The following MACROH2A2 variants were observed in gnomAD, a reference collection of about 807,000 sequenced individuals.
MACROH2A2 encodes macroH2A.2 histone.
In MACROH2A2, 6 loss-of-function variants were observed where a neutral mutation model predicts 37.6. The ratio of observed to expected loss-of-function variants is 0.16; its 90% CI spans 0.09 to 0.32. The LOEUF is 0.32. Among genes scored for constraint, MACROH2A2 ranks in the 10% least tolerant of loss-of-function variants. The probability of loss-of-function intolerance (pLI) is 1.00; values close to 1 mark genes in which losing one functional copy is unlikely to be tolerated. For synonymous variants in MACROH2A2, 192 were observed against 202.7 expected, an observed-to-expected ratio of 0.95 and a Z score of 0.45; for missense variants, 290 against 485.9, an observed-to-expected ratio of 0.60 and a Z score of 3.79.
chr10:70,066,585 C>T (rs1316874313), intron 1 of MACROH2A2, among the ~76,000 whole-genome samples: 1 of 152,242 alleles, frequency 6.6e-6, no homozygotes, highest in East Asian at 1.9e-4. Context: ...AACAGGGTCT[C>T]TACAAAGAAC....
At chr10:70,093,650 T>A (rs1218931231) in intron 4 of MACROH2A2, 85 bp from the exon 5 acceptor site, 11 of 696,242 alleles carry the variant, frequency 1.6e-5, no homozygotes, top group Non-Finnish European at 2.8e-5. Flanking sequence ...TTCAACTTGG[T>A]GGCAGCCGTG....
chr10:70,062,472 A>G (rs1206325078), intron 1 of MACROH2A2, among the ~76,000 whole-genome samples: 3 of 152,258 alleles, frequency 2.0e-5, no homozygotes, highest in African/African-American at 7.2e-5. Context: ...AACAATGTTT[A>G]AAGTTTTTTT....
chr10:70,084,120 T>C (rs1453159956), intron 2 of MACROH2A2, among the ~76,000 whole-genome samples: 3 of 152,178 alleles, frequency 2.0e-5, no homozygotes, highest in Admixed American at 6.5e-5. Flanking sequence ...CTGTGTAACA[T>C]AGACACTTGT....
rs1007650815 is a variant in MACROH2A2, at chr10:70,107,106, C to T, written c.779-1927C>T. ...TCGTAGAGTCAGCACGCATGGCGGG[C>T]CCCTACCCAGGGCCTCGGTGTATTG... On this transcript the variant is annotated intron_variant, in intron 7 of 8. Coordinates refer to ENST00000373255, the MANE Select transcript of MACROH2A2 (RefSeq NM_018649.3). The surrounding 1 kb of genome is among the most constrained non-coding windows in gnomAD (Gnocchi z 4.4). 1.3e-3 allele frequency among the ~76,000 whole-genome samples: 198 copies of T among 152,304 alleles called. 1 individual carries two copies. The highest frequency in any genetic ancestry group is 1.0e-3 in the Non-Finnish European group (71 of 68,030).
Position 70,075,586 on chromosome 10 carries a change from T to C in MACROH2A2, c.-59-14T>C. On this transcript the variant is annotated splice_polypyrimidine_tract_variant and intron_variant, in intron 1 of 8. Coordinates refer to ENST00000373255, the MANE Select transcript of MACROH2A2 (RefSeq NM_018649.3). The surrounding 1 kb of genome is among the most constrained non-coding windows in gnomAD (Gnocchi z 5.0). ...CAACTACCCTTCCTCAACTCTGTCTTCTTTCCTTTTTAGCATTGTGTTAGT... is the reference window on the plus strand; with the variant it reads ...CAACTACCCTTCCTCAACTCTGTCTCCTTTCCTTTTTAGCATTGTGTTAGT... The C allele has an allele frequency of 6.9e-7, 1 of 1,456,196 alleles. No individual in the cohort carries two copies. The highest frequency in any genetic ancestry group is 2.3e-5 in the East Asian group (1 of 44,012). 90.2% of individuals were successfully genotyped at this position (1,456,196 alleles called of 1,614,324 possible). A position where few individuals can be genotyped will look rare whatever the true frequency, so the allele number is the denominator to read the frequency against.
chr10:70,091,197 C>T (rs2072242822), intron 3 of MACROH2A2, among the ~76,000 whole-genome samples: 1 of 152,208 alleles, frequency 6.6e-6, no homozygotes, highest in Non-Finnish European at 1.5e-5. Context: ...TGGGCAACAT[C>T]CCTGGTTTCA....
intron 1 of MACROH2A2, among the ~76,000 whole-genome samples, chr10:70,055,577 C>T (rs2072010616): frequency 6.6e-6 from 1 of 152,142 alleles, no homozygotes; most frequent in Non-Finnish European, 1.5e-5. Context: ...GGGCCCTTCT[C>T]TCATAAAGCT....
intron 6 of MACROH2A2, chr10:70,099,114 GGGGCC>G (rs2072292292): frequency 6.6e-6 from 1 of 152,128 alleles, no homozygotes; most frequent in Non-Finnish European, 1.5e-5. Flanking sequence ...CAGGAATCTG[GGGGCC>G]AGAAAGGAGT....
intron 7 of MACROH2A2, among the ~76,000 whole-genome samples, chr10:70,106,179 G>A (rs2072336529): frequency 2.0e-5 from 3 of 152,230 alleles, no homozygotes; most frequent in Admixed American, 2.0e-4. Flanking sequence ...CCTGGGGGAA[G>A]GTTCTAGAAG....
chr10:70,093,026 G>C (rs1315805631), intron 4 of MACROH2A2, among the ~76,000 whole-genome samples: 1 of 151,844 alleles, frequency 6.6e-6, no homozygotes, highest in Non-Finnish European at 1.5e-5. Flanking sequence ...TAAGAGACAG[G>C]GGTCTCACTC....
intron 6 of MACROH2A2, among the ~76,000 whole-genome samples, chr10:70,097,860 G>A (rs1472294185): frequency 6.6e-6 from 1 of 152,142 alleles, no homozygotes; most frequent in African/African-American, 2.4e-5. Context: ...TGTAGTCCCA[G>A]CTACTTGGGA....
rs1281767344 is a variant in MACROH2A2 at position 70,053,456 on chromosome 10, G to C, written c.-60+456G>C. On this transcript the variant is annotated intron_variant, in intron 1 of 8. Transcript: ENST00000373255. This position sits in a 1 kb window ranked among gnomAD's most constrained non-coding sequence, Gnocchi z 4.8. ...GGCTGCGCAGGGCCCGAGGGAGCCC[G>C]GGGAGGGCCGCTCGGGGGCCTCTGA... is the stretch of plus-strand genomic sequence containing the variant. Among the ~76,000 whole-genome samples, 1 of 151,592 alleles carries C rather than the reference G, an allele frequency of 6.6e-6. No homozygotes were observed. Among genetic ancestry groups the C allele is most frequent in the African/African-American group, 2.4e-5 (1 of 41,040 alleles).
At chr10:70,055,416 G>GTTGTTGTT (rs2072009076) in intron 1 of MACROH2A2, among the ~76,000 whole-genome samples, 1 of 152,148 alleles carries the variant, frequency 6.6e-6, no homozygotes, top group African/African-American at 2.4e-5. Context: ...TGTTTGTTTT[G>GTTGTTGTT]TTGTTGTTTT....
At chr10:70,083,613 C>T (rs1206296643) in intron 2 of MACROH2A2, among the ~76,000 whole-genome samples, 3 of 151,990 alleles carry the variant, frequency 2.0e-5, no homozygotes, top group Non-Finnish European at 4.4e-5. Context: ...CACAAATTCT[C>T]AGCCACACTG....
At chr10:70,054,778 A>G (rs1030806363) in intron 1 of MACROH2A2, among the ~76,000 whole-genome samples, 3 of 152,216 alleles carry the variant, frequency 2.0e-5, no homozygotes, top group African/African-American at 7.2e-5. Flanking sequence ...AAATAGAGGC[A>G]CTGCCCGGCG....
intron 2 of MACROH2A2, among the ~76,000 whole-genome samples, chr10:70,082,933 T>C (rs1369830615): frequency 6.6e-6 from 1 of 152,128 alleles, no homozygotes; most frequent in Non-Finnish European, 1.5e-5. Flanking sequence ...TGCCATTGAA[T>C]TGTATCCTTT....
At position 70,075,215 on chromosome 10, in the gene MACROH2A2, A is replaced by T. The variant is rs2072133021; in HGVS notation, c.-59-385A>T. 6.6e-6 allele frequency among the ~76,000 whole-genome samples: 1 copy of T among 152,072 alleles called. No homozygotes were observed. The highest frequency in any genetic ancestry group is 2.4e-5 in the African/African-American group (1 of 41,402). ...CCAAGATAAACCTCCCCATCTCAAGACCCTTAGCTTAATCCCATCTGCAAA... is the reference window on the plus strand; with the variant it reads ...CCAAGATAAACCTCCCCATCTCAAGTCCCTTAGCTTAATCCCATCTGCAAA... On this transcript the variant is annotated intron_variant, in intron 1 of 8. Transcript: ENST00000373255. The surrounding 1 kb of genome is among the most constrained non-coding windows in gnomAD (Gnocchi z 5.0).
intron 1 of MACROH2A2, among the ~76,000 whole-genome samples, chr10:70,066,019 G>A (rs2072077031): frequency 6.6e-6 from 1 of 152,170 alleles, no homozygotes; most frequent in Admixed American, 6.5e-5. Context: ...AGAAAACAAA[G>A]TTTAGGCCAG....
chr10:70,066,051 A>G (rs2072077261), intron 1 of MACROH2A2, among the ~76,000 whole-genome samples: 1 of 152,210 alleles, frequency 6.6e-6, no homozygotes, highest in Admixed American at 6.5e-5. Flanking sequence ...TATGCCTTTA[A>G]TGCCAGCACT....
Sources: allele counts gnomAD v4.1 joint callset (sites outside exome capture counted in the v4.1 genomes callset), GRCh38; gene constraint gnomAD v4.1.1; non-coding constraint Gnocchi (gnomAD v3.1); transcripts MANE v1.5; gene names NCBI Gene and HGNC (gene_info 2026-07-23, HGNC 2026-07-21).